The following KHDRBS2 variants were observed in gnomAD, a reference collection of about 807,000 sequenced individuals.
KHDRBS2 encodes KH domain-containing, RNA-binding, signal transduction-associated protein 2.
Under a neutral mutation model 44.3 loss-of-function variants are expected in KHDRBS2, and 26 were observed. The observed-to-expected ratio is 0.59, with a 90% CI of 0.43 to 0.81. KHDRBS2 has a LOEUF of 0.81. Among genes scored for constraint, KHDRBS2 ranks in the 40% least tolerant of loss-of-function variants. The pLI is 0.00. For synonymous variants in KHDRBS2, 194 were observed against 151.1 expected (o/e 1.28, Z -2.08); for missense variants, 476 against 433.1 (o/e 1.10, Z -0.88).
intron 8 of KHDRBS2, among the ~76,000 whole-genome samples, chr6:61,689,104 G>A (rs1767105731): frequency 6.6e-6 from 1 of 151,810 alleles, no homozygotes; most frequent in African/African-American, 2.4e-5. Context: ...TGGACACTGA[G>A]ACTCCTGTGA....
chr6:61,546,772 C>G, the KHDRBS2 span, among the ~76,000 whole-genome samples: 1 of 152,164 alleles, frequency 6.6e-6, no homozygotes, highest in African/African-American at 2.4e-5. Context: ...GTTCAAATAC[C>G]AGCACTCACA....
chr6:61,592,049 A>G, the KHDRBS2 span, among the ~76,000 whole-genome samples: 1 of 151,780 alleles, frequency 6.6e-6, no homozygotes, highest in Non-Finnish European at 1.5e-5. Context: ...AAACTAGCCC[A>G]GTGTGGTGGC....
chr6:61,566,474 C>A, the KHDRBS2 span, among the ~76,000 whole-genome samples: 161 of 152,244 alleles, frequency 1.1e-3, no homozygotes, highest in African/African-American at 3.7e-3. Context: ...ATTACACATT[C>A]TTTCTTGTAT....
chr6:61,661,824 A>G, the KHDRBS2 span, among the ~76,000 whole-genome samples: 696 of 152,090 alleles, frequency 4.6e-3, 2 homozygotes, highest in African/African-American at 0.016. Context: ...CATACTGCCT[A>G]AGGTAATTTA....
chr6:62,130,371 C>T (rs1307041177), intron 2 of KHDRBS2, among the ~76,000 whole-genome samples: 1 of 152,104 alleles, frequency 6.6e-6, no homozygotes, highest in African/African-American at 2.4e-5. Context: ...AATCAGATAC[C>T]TATGCCGCTG....
At chr6:62,235,987 G>A (rs147592637) in intron 1 of KHDRBS2, among the ~76,000 whole-genome samples, 93 of 152,148 alleles carry the variant, frequency 6.1e-4, no homozygotes, top group African/African-American at 2.0e-3. Flanking sequence ...CAACTTTAAT[G>A]TCTTTCAATA....
intron 3 of KHDRBS2, among the ~76,000 whole-genome samples, chr6:62,010,003 C>A (rs747485743): frequency 1.3e-5 from 2 of 152,124 alleles, no homozygotes; most frequent in Non-Finnish European, 2.9e-5. Context: ...GGGCCACCGT[C>A]CTCCAGATCC....
intron 2 of KHDRBS2, among the ~76,000 whole-genome samples, chr6:62,137,575 A>G (rs1811847949): frequency 6.6e-6 from 1 of 152,194 alleles, no homozygotes; most frequent in Admixed American, 6.5e-5. Flanking sequence ...TTAGTGAACA[A>G]TAGGGAGTGG....
At chr6:61,640,285 G>C in the KHDRBS2 span, among the ~76,000 whole-genome samples, 1 of 152,100 alleles carries the variant, frequency 6.6e-6, no homozygotes, top group Admixed American at 6.6e-5. Flanking sequence ...CTGTAGTTTA[G>C]TGTAGGTCTA....
chr6:61,995,013 G>A (rs1430868413), intron 3 of KHDRBS2, among the ~76,000 whole-genome samples: 1 of 152,064 alleles, frequency 6.6e-6, no homozygotes, highest in Non-Finnish European at 1.5e-5. Flanking sequence ...AATAGAAAAT[G>A]GAAGCAAATA....
the KHDRBS2 span, among the ~76,000 whole-genome samples, chr6:61,555,487 C>T: frequency 1.3e-5 from 2 of 152,102 alleles, no homozygotes; most frequent in Non-Finnish European, 2.9e-5. Flanking sequence ...TCCTTTCTAT[C>T]TTCTGAATTC....
chr6:61,697,260 C>T lies in KHDRBS2; in HGVS notation c.894-7G>A. 1 of 1,582,020 alleles carries T rather than the reference C, an allele frequency of 6.3e-7. No homozygotes were observed. The highest frequency in any genetic ancestry group is 1.3e-5 in the African/African-American group (1 of 74,322). ...GTCATAGTATTCAGGCACACTGCAA[C>T]AAATTTAGATAGCAATCAATGTTAC... On this transcript the variant is annotated splice_region_variant and splice_polypyrimidine_tract_variant and intron_variant, in intron 7 of 8. Coordinates refer to ENST00000281156, the MANE Select transcript of KHDRBS2 (RefSeq NM_152688.4).
At chr6:62,045,385 G>A (rs981207707) in intron 3 of KHDRBS2, among the ~76,000 whole-genome samples, 1 of 151,984 alleles carries the variant, frequency 6.6e-6, no homozygotes, top group Non-Finnish European at 1.5e-5. Context: ...ATATTTCTAT[G>A]TTTGGCTCCT....
At chr6:62,127,201 A>G (rs920330754) in intron 2 of KHDRBS2, among the ~76,000 whole-genome samples, 2 of 152,192 alleles carry the variant, frequency 1.3e-5, no homozygotes, top group African/African-American at 4.8e-5. Context: ...ATACAATCAC[A>G]TACATAATTG....
chr6:62,184,662 G>C (rs546059553), intron 1 of KHDRBS2, among the ~76,000 whole-genome samples: 1 of 151,896 alleles, frequency 6.6e-6, no homozygotes, highest in South Asian at 2.1e-4. Context: ...GGCAATTAAA[G>C]TTCATGTTTT....
the KHDRBS2 span, among the ~76,000 whole-genome samples, chr6:61,634,062 C>T: frequency 6.6e-6 from 1 of 152,098 alleles, no homozygotes; most frequent in East Asian, 1.9e-4. Context: ...CACTGAGCTA[C>T]GTATGCTTTA....
At chr6:62,112,183 T>A (rs1805160918) in intron 2 of KHDRBS2, among the ~76,000 whole-genome samples, 1 of 152,136 alleles carries the variant, frequency 6.6e-6, no homozygotes, top group Non-Finnish European at 1.5e-5. Flanking sequence ...TCATAATGTA[T>A]CTAAATCACA....
At chr6:61,724,386 C>T (rs1263286519) in intron 7 of KHDRBS2, among the ~76,000 whole-genome samples, 8 of 152,180 alleles carry the variant, frequency 5.3e-5, no homozygotes, top group African/African-American at 1.4e-4. Context: ...ACCAGTGATA[C>T]TATGAAGCAA....
At chr6:61,755,626 A>G (rs553843817) in intron 6 of KHDRBS2, among the ~76,000 whole-genome samples, 45 of 151,900 alleles carry the variant, frequency 3.0e-4, no homozygotes, top group Non-Finnish European at 5.6e-4. Context: ...CCTGGCCAAC[A>G]TGGTGAAACC....
Sources: gnomAD v4.1 joint callset for allele counts (sites outside exome capture counted in the v4.1 genomes callset) on GRCh38, gnomAD v4.1.1 for gene constraint, MANE v1.5 for transcripts, NCBI Gene and HGNC (gene_info 2026-07-23, HGNC 2026-07-21) for gene names.